The following SLA variants were observed in gnomAD, a reference collection of about 807,000 sequenced individuals.
The protein encoded by SLA is src-like-adapter.
Under a neutral mutation model 30.3 loss-of-function variants are expected in SLA, and 16 were observed. That is an observed-to-expected ratio of 0.53 (90% CI 0.36 to 0.80). The LOEUF (loss-of-function observed/expected upper bound fraction) is 0.80. Among genes scored for constraint, SLA ranks in the 30% least tolerant of loss-of-function variants. The pLI is 0.01. For synonymous variants in SLA, 143 were observed against 137.8 expected (o/e 1.04, Z -0.26); for missense variants, 310 against 345.2 (o/e 0.90, Z 0.81).
chr8:133,050,433 G>A (rs1457178323), intron 4 of SLA: 1 of 247,432 alleles, frequency 4.0e-6, no homozygotes, highest in African/African-American at 2.2e-5. Flanking sequence ...TAAGAGGAGA[G>A]AAGGCAAATT....
intron 1 of SLA, among the ~76,000 whole-genome samples, chr8:133,078,805 A>G (rs938905538): frequency 6.6e-6 from 1 of 152,232 alleles, no homozygotes. Context: ...TGTATAACCT[A>G]TATTCAGAGG....
At chr8:133,043,349 G>C (rs566585348) in intron 7 of SLA, among the ~76,000 whole-genome samples, 1 of 152,136 alleles carries the variant, frequency 6.6e-6, no homozygotes, top group Non-Finnish European at 1.5e-5. Context: ...CACCCCCTCC[G>C]ATGGTTGTTA....
In SLA at chr8:133,047,949, A is replaced by G; in HGVS notation, c.249-16T>C. ...AAACAGCCAGCTGGGAAGGAGGAAGACAGCCATTAGGATCCGGAACAAGCC... is the reference window on the plus strand; with the variant it reads ...AAACAGCCAGCTGGGAAGGAGGAAGGCAGCCATTAGGATCCGGAACAAGCC... On this transcript the variant is annotated splice_polypyrimidine_tract_variant and intron_variant, in intron 5 of 8. Coordinates refer to ENST00000338087, the MANE Select transcript of SLA (RefSeq NM_001045556.3). The G allele has an allele frequency of 6.5e-7, 1 of 1,532,528 alleles. No individual in the cohort carries two copies. The highest frequency in any genetic ancestry group is 9.0e-7 in the Non-Finnish European group (1 of 1,108,570). The allele number at this position is 1,532,528 out of a possible 1,614,324, so 94.9% of individuals were successfully genotyped here.
chr8:133,102,521 G>A, intron 1 of SLA, 32 bp downstream of exon 1: 1 of 1,550,478 alleles, frequency 6.4e-7, no homozygotes, highest in Non-Finnish European at 8.7e-7. Flanking sequence ...CCCACCCAGG[G>A]GGTCCCAATG....
intron 4 of SLA, 124 bp from the exon 5 acceptor site, chr8:133,050,112 C>G (rs750227944): frequency 4.0e-6 from 3 of 741,148 alleles, no homozygotes; most frequent in African/African-American, 1.7e-5. Flanking sequence ...AGATCTGTCA[C>G]TGGCCACGTT....
rs778466835 is a variant in SLA at position 133,039,966 on chromosome 8, CACACACACACACAT to C, written c.617+18_617+31del. The C allele has an allele frequency of 2.0e-6, 3 of 1,529,900 alleles. No homozygotes were observed. The highest frequency in any genetic ancestry group is 1.7e-4 in the Middle Eastern group (1 of 5,952). The allele number at this position is 1,529,900 out of a possible 1,614,324, so 94.8% of individuals were successfully genotyped here. ...GAGCACTTGCATGCACACACACACA[CACACACACACACAT>C]ACACACACCATACTCACCTGGACAC... On this transcript the variant is annotated intron_variant, in intron 8 of 8. Coordinates refer to ENST00000338087, the MANE Select transcript of SLA (RefSeq NM_001045556.3).
At chr8:133,088,718 C>A (rs959121601) in intron 1 of SLA, among the ~76,000 whole-genome samples, 7 of 152,186 alleles carry the variant, frequency 4.6e-5, no homozygotes, top group African/African-American at 1.7e-4. Flanking sequence ...CAGATTGTCT[C>A]CTAGATCATG....
At chr8:133,096,006 G>A (rs1420305583) in intron 1 of SLA, among the ~76,000 whole-genome samples, 1 of 152,192 alleles carries the variant, frequency 6.6e-6, no homozygotes, top group East Asian at 1.9e-4. Flanking sequence ...GACCATCATT[G>A]CTGAGAGTGA....
chr8:133,055,363 GCGCACACACACACACA>G (rs1166696738), intron 3 of SLA, among the ~76,000 whole-genome samples: 41 of 32,020 alleles, frequency 1.3e-3, no homozygotes, highest in Middle Eastern at 0.019. Flanking sequence ...ACACGCACGC[GCGCACACACACACACA>G]CACACACACA....
chr8:133,074,805 C>G (rs1173907225), intron 2 of SLA, 48 bp downstream of exon 2: 4 of 965,550 alleles, frequency 4.1e-6, no homozygotes, highest in African/African-American at 1.8e-5. Flanking sequence ...GTTGAAGAGG[C>G]CCTGAAGTCT....
At chr8:133,049,114 C>T (rs1193484574) in intron 5 of SLA, 1 of 454,846 alleles carries the variant, frequency 2.2e-6, no homozygotes, top group Admixed American at 2.4e-5. Flanking sequence ...AGGAAGGAAG[C>T]CAAGATTTGT....
intron 1 of SLA, among the ~76,000 whole-genome samples, chr8:133,094,458 T>C (rs1178448898): frequency 6.6e-6 from 1 of 152,052 alleles, no homozygotes; most frequent in Non-Finnish European, 1.5e-5. Context: ...GCCAGGATGG[T>C]CTCGATCTCC....
At chr8:133,053,146 C>T (rs2131252854) in intron 3 of SLA, among the ~76,000 whole-genome samples, 1 of 152,312 alleles carries the variant, frequency 6.6e-6, no homozygotes, top group Non-Finnish European at 1.5e-5. Context: ...CCTTTGTCAA[C>T]TCTAAACTCA....
At chr8:133,091,520 T>C (rs965200901) in intron 1 of SLA, among the ~76,000 whole-genome samples, 3 of 152,108 alleles carry the variant, frequency 2.0e-5, no homozygotes, top group Non-Finnish European at 4.4e-5. Context: ...CCTGAGGGAT[T>C]CCTCCCGGGA....
Position 133,048,033 on chromosome 8 carries a change from C to T in SLA, c.249-100G>A, listed in dbSNP as rs976871572. The stretch of plus-strand genomic sequence containing the variant: ...CGTACTAAGCACCTGAAACCTAATC[C>T]TCACCTCAACCCACTGAGACAGGAA... On this transcript the variant is annotated intron_variant, in intron 5 of 8. Coordinates refer to ENST00000338087, the MANE Select transcript of SLA (RefSeq NM_001045556.3). 1.1e-5 allele frequency: 7 copies of T among 651,374 alleles called. No individual in the cohort carries two copies. The African/African-American group carries it at 1.1e-4, about 10-fold the overall frequency. 40.3% of individuals were successfully genotyped at this position (651,374 alleles called of 1,614,324 possible).
At chr8:133,089,395 C>T (rs920738113) in intron 1 of SLA, among the ~76,000 whole-genome samples, 1 of 152,194 alleles carries the variant, frequency 6.6e-6, no homozygotes, top group Non-Finnish European at 1.5e-5. Flanking sequence ...CAACCATTTT[C>T]AGCACTGAGA....
chr8:133,088,736 C>T (rs1405883971), intron 1 of SLA, among the ~76,000 whole-genome samples: 1 of 152,162 alleles, frequency 6.6e-6, no homozygotes, highest in Non-Finnish European at 1.5e-5. Flanking sequence ...ATGTCTATAC[C>T]AACAGGTAGT....
At chr8:133,062,036 T>A (rs1210614193) in intron 2 of SLA, among the ~76,000 whole-genome samples, 1 of 152,234 alleles carries the variant, frequency 6.6e-6, no homozygotes, top group Non-Finnish European at 1.5e-5. Flanking sequence ...ATGACCAGGC[T>A]CGCAAAAGCT....
At chr8:133,087,342 A>T (rs562921549) in intron 1 of SLA, among the ~76,000 whole-genome samples, 2 of 152,148 alleles carry the variant, frequency 1.3e-5, no homozygotes, top group Non-Finnish European at 2.9e-5. Flanking sequence ...CTTTTTCTAG[A>T]GTATGAAAAG....
Sources: allele counts gnomAD v4.1 joint callset (sites outside exome capture counted in the v4.1 genomes callset), GRCh38; gene constraint gnomAD v4.1.1; transcripts MANE v1.5; gene names NCBI Gene and HGNC (gene_info 2026-07-23, HGNC 2026-07-21).